The following SORCS1 variants were observed in gnomAD, a reference collection of about 807,000 sequenced individuals.
SORCS1 encodes VPS10 domain-containing receptor SorCS1.
A neutral mutation model predicts 146.1 loss-of-function variants in SORCS1; 60 were observed. That is an observed-to-expected ratio of 0.41 (90% CI 0.33 to 0.51). The LOEUF is 0.51. Among genes scored for constraint, SORCS1 ranks in the 20% least tolerant of loss-of-function variants. SORCS1 has a pLI of 0.21. For missense variants in SORCS1, 1,352 were observed against 1,487.6 expected, an observed-to-expected ratio of 0.91 and a Z score of 1.50; for synonymous variants, 637 against 584.0, an observed-to-expected ratio of 1.09 and a Z score of -1.31.
intron 9 of SORCS1, among the ~76,000 whole-genome samples, chr10:106,690,713 T>C (rs1386939753): frequency 6.6e-6 from 1 of 152,254 alleles, no homozygotes; most frequent in Non-Finnish European, 1.5e-5. Context: ...ATTTTCCTCT[T>C]GCAGCCAAGG....
At chr10:107,079,027 C>T (rs1963115165) in intron 1 of SORCS1, among the ~76,000 whole-genome samples, 2 of 152,134 alleles carry the variant, frequency 1.3e-5, no homozygotes, top group Non-Finnish European at 2.9e-5. Flanking sequence ...AGATCGAGAC[C>T]ATCCTGGCTA....
chr10:106,998,291 A>G (rs1222864242), intron 1 of SORCS1, among the ~76,000 whole-genome samples: 1 of 152,256 alleles, frequency 6.6e-6, no homozygotes, highest in African/African-American at 2.4e-5. Context: ...CAGTGTCAAA[A>G]TAACAGCACT....
chr10:107,167,645 AT>A (rs1379411846), upstream of SORCS1, among the ~76,000 whole-genome samples: 1 of 152,162 alleles, frequency 6.6e-6, no homozygotes, highest in Non-Finnish European at 1.5e-5. Flanking sequence ...CAGGTGATCC[AT>A]TTTTGTGCAA....
intron 8 of SORCS1, among the ~76,000 whole-genome samples, chr10:106,699,659 G>A (rs190075783): frequency 8.7e-4 from 133 of 152,242 alleles, no homozygotes; most frequent in Non-Finnish European, 1.6e-3. Context: ...TACATAATTC[G>A]AAAAATGCTT....
At chr10:107,001,561 T>C (rs1957225138) in intron 1 of SORCS1, among the ~76,000 whole-genome samples, 1 of 152,168 alleles carries the variant, frequency 6.6e-6, no homozygotes, top group South Asian at 2.1e-4. Context: ...TCTCCCGGGT[T>C]CAAGCGATTC....
chr10:106,705,967 A>G lies in SORCS1; in HGVS notation c.1233+578T>C, dbSNP rs574572831. ...CAGGGAGCTGACTGGCTGAGAAAGC[A>G]AAGGCTGGTGCCACGTCACGGCATC... On this transcript the variant is annotated intron_variant, in intron 8 of 25. Transcript: ENST00000263054. 6.6e-5 allele frequency among the ~76,000 whole-genome samples: 10 copies of G among 152,336 alleles called. No homozygotes were observed. In the East Asian group the frequency reaches 1.9e-3, roughly 29 times the overall value.
At chr10:107,039,172 C>CA (rs968403266) in intron 1 of SORCS1, among the ~76,000 whole-genome samples, 6 of 151,456 alleles carry the variant, frequency 4.0e-5, no homozygotes, top group Non-Finnish European at 7.4e-5. Context: ...TAATAAAATA[C>CA]AAAAAAATAG....
At position 106,575,738 on chromosome 10, in the gene SORCS1, A is replaced by T. The variant is rs188299338; in HGVS notation, c.*1682T>A. The T allele has an allele frequency of 6.5e-6, 1 of 152,796 alleles. No homozygotes were observed. The highest frequency in any genetic ancestry group is 2.4e-5 in the African/African-American group (1 of 41,574). 9.5% of individuals were successfully genotyped at this position (152,796 alleles called of 1,614,324 possible). ...CATGAAATCACTGGGATCATCCTAA[A>T]TAATCAAACTCTCACCCTAATGTAA... On this transcript the variant is annotated 3_prime_UTR_variant, in exon 26 of 26. Transcript: ENST00000263054.
rs117909533 is a variant in SORCS1, at chr10:107,111,466, C to A, written c.558+52503G>T. Among the ~76,000 whole-genome samples the A allele has an allele frequency of 5.8e-4, 89 of 152,176 alleles. 1 individual carries two copies. The East Asian group carries it at 0.015, about 25-fold the overall frequency. ...AACTTTAACAGCAGACTCCACTATG[C>A]AGAAGAAATAATTAGTGAATTCAAA... On this transcript the variant is annotated intron_variant, in intron 1 of 25. Transcript: ENST00000263054.
chr10:107,041,864 T>G (rs931217751), intron 1 of SORCS1, among the ~76,000 whole-genome samples: 3 of 151,356 alleles, frequency 2.0e-5, no homozygotes, highest in African/African-American at 7.3e-5. Flanking sequence ...CAAATGAGAA[T>G]AATAATATGT....
chr10:106,670,661 G>A (rs1851520594), intron 16 of SORCS1, among the ~76,000 whole-genome samples: 3 of 150,444 alleles, frequency 2.0e-5, no homozygotes, highest in African/African-American at 4.9e-5. Flanking sequence ...TGTTTCCAGT[G>A]TTGCTGTTTG....
chr10:106,837,600 C>T (rs1257276286), intron 2 of SORCS1, among the ~76,000 whole-genome samples: 2 of 149,744 alleles, frequency 1.3e-5, no homozygotes, highest in African/African-American at 4.9e-5. Flanking sequence ...ATCTAGTAGG[C>T]GGTCAGTGCC....
chr10:107,162,527 C>T (rs1315016011), intron 1 of SORCS1, among the ~76,000 whole-genome samples: 1 of 152,126 alleles, frequency 6.6e-6, no homozygotes, highest in Non-Finnish European at 1.5e-5. Flanking sequence ...TTGATCAAAC[C>T]ACTCCTGAGA....
intron 3 of SORCS1, among the ~76,000 whole-genome samples, chr10:106,826,965 C>T (rs1948332899): frequency 6.6e-6 from 1 of 152,178 alleles, no homozygotes; most frequent in South Asian, 2.1e-4. Flanking sequence ...AAACGTCCTT[C>T]AGATAACTAT....
chr10:106,606,274 T>TATACAC (rs1435613411), intron 23 of SORCS1, among the ~76,000 whole-genome samples: 1 of 139,006 alleles, frequency 7.2e-6, no homozygotes, highest in African/African-American at 3.0e-5. Context: ...CACACAGATA[T>TATACAC]ACACACACAC....
intron 1 of SORCS1, among the ~76,000 whole-genome samples, chr10:107,100,915 C>T (rs1964880345): frequency 6.6e-6 from 1 of 152,164 alleles, no homozygotes; most frequent in Non-Finnish European, 1.5e-5. Flanking sequence ...TTTCTAGAGA[C>T]AGGGTCTTGC....
At chr10:107,094,853 C>A (rs1964439678) in intron 1 of SORCS1, among the ~76,000 whole-genome samples, 1 of 152,128 alleles carries the variant, frequency 6.6e-6, no homozygotes, top group Non-Finnish European at 1.5e-5. Context: ...ACACAGCCAG[C>A]CCCTTCACTC....
At chr10:106,882,180 T>C (rs1003620032) in intron 2 of SORCS1, among the ~76,000 whole-genome samples, 5 of 152,108 alleles carry the variant, frequency 3.3e-5, no homozygotes, top group Admixed American at 6.6e-5. Flanking sequence ...ACCAGAGGTA[T>C]CCAATCTTTT....
intron 13 of SORCS1, 133 bp from the exon 14 acceptor site, chr10:106,675,289 T>C: frequency 1.6e-6 from 1 of 621,586 alleles, no homozygotes; most frequent in Non-Finnish European, 2.8e-6. Flanking sequence ...GAGCCTTTCA[T>C]ATGAATAAGT....
Sources: gnomAD v4.1 joint callset for allele counts (sites outside exome capture counted in the v4.1 genomes callset) on GRCh38, gnomAD v4.1.1 for gene constraint, MANE v1.5 for transcripts, NCBI Gene and HGNC (gene_info 2026-07-23, HGNC 2026-07-21) for gene names.